The following ZFAND3 variants were observed in gnomAD, a reference collection of about 807,000 sequenced individuals.
ZFAND3 encodes the protein zinc finger AN1-type containing 3, also known as AN1-type zinc finger protein 3.
In ZFAND3, 10 loss-of-function variants were observed where a neutral mutation model predicts 29.6. That is an observed-to-expected ratio of 0.34 (90% CI 0.21 to 0.57). The LOEUF (loss-of-function observed/expected upper bound fraction) is 0.57. ZFAND3 is among the 20% of genes least tolerant of loss of function. The probability of loss-of-function intolerance (pLI) is 0.86; values close to 1 mark genes in which losing one functional copy is unlikely to be tolerated. For synonymous variants in ZFAND3, 128 were observed against 112.6 expected (o/e 1.14, Z -0.87); for missense variants, 230 against 304.5 (o/e 0.76, Z 1.82).
chr6:37,981,720 C>T (rs1399274502), intron 2 of ZFAND3, among the ~76,000 whole-genome samples: 2 of 151,960 alleles, frequency 1.3e-5, no homozygotes, highest in Non-Finnish European at 2.9e-5. Flanking sequence ...TGTAGAAGGT[C>T]AACATGAGTT....
intron 2 of ZFAND3, among the ~76,000 whole-genome samples, chr6:38,056,856 G>A (rs1310413763): frequency 6.6e-6 from 1 of 152,164 alleles, no homozygotes; most frequent in Non-Finnish European, 1.5e-5. Context: ...AATAAGGTAA[G>A]TTGCCAAGAT....
At chr6:37,984,248 A>G (rs545423953) in intron 2 of ZFAND3, among the ~76,000 whole-genome samples, 1 of 152,052 alleles carries the variant, frequency 6.6e-6, no homozygotes, top group African/African-American at 2.4e-5. Flanking sequence ...TCAAAAGTAT[A>G]AAGGTCATGA....
intron 2 of ZFAND3, among the ~76,000 whole-genome samples, chr6:37,978,127 G>A (rs904376807): frequency 7.9e-5 from 12 of 151,912 alleles, no homozygotes; most frequent in Admixed American, 1.3e-4. Flanking sequence ...GAGACACAGG[G>A]TTTCACCATG....
intron 2 of ZFAND3, among the ~76,000 whole-genome samples, chr6:37,978,344 T>C (rs1421108707): frequency 1.3e-5 from 2 of 152,334 alleles, no homozygotes; most frequent in East Asian, 3.9e-4. Flanking sequence ...AAAATTTTGC[T>C]TAGAATTTTT....
At chr6:37,898,290 G>C (rs1365523030) in intron 1 of ZFAND3, among the ~76,000 whole-genome samples, 1 of 152,076 alleles carries the variant, frequency 6.6e-6, no homozygotes, top group Admixed American at 6.6e-5. Flanking sequence ...ATTTTCCCTA[G>C]TGCTTGCTGT....
intron 5 of ZFAND3, among the ~76,000 whole-genome samples, chr6:38,128,913 C>T (rs757070098): frequency 2.6e-5 from 4 of 152,116 alleles, no homozygotes; most frequent in Non-Finnish European, 4.4e-5. Flanking sequence ...TTTAAGGAAC[C>T]TCCACACTGT....
intron 1 of ZFAND3, among the ~76,000 whole-genome samples, chr6:37,834,238 A>G (rs879315128): frequency 3.9e-5 from 6 of 152,102 alleles, no homozygotes; most frequent in South Asian, 2.1e-4. Context: ...AAAATTTCAT[A>G]TTGTTGGAAT....
At chr6:38,060,788 T>A (rs72852542) in intron 2 of ZFAND3, among the ~76,000 whole-genome samples, 41,895 of 151,580 alleles carry the variant, frequency 0.28, 6,820 homozygotes, top group Admixed American at 0.4. Context: ...CATTTTTTTT[T>A]ATATACGATT....
chr6:38,139,876 A>G (rs6918779), intron 5 of ZFAND3, among the ~76,000 whole-genome samples: 4,937 of 152,210 alleles, frequency 0.032, 217 homozygotes, highest in African/African-American at 0.095. Context: ...AAAGGAGGCT[A>G]TTGCAGTAGC....
intron 1 of ZFAND3, among the ~76,000 whole-genome samples, chr6:37,875,749 C>T (rs898543004): frequency 6.6e-6 from 1 of 151,340 alleles, no homozygotes; most frequent in African/African-American, 2.4e-5. Flanking sequence ...GCCTTGACCT[C>T]TTTCGCTCAA....
chr6:37,993,090 C>T (rs900132235), intron 2 of ZFAND3, among the ~76,000 whole-genome samples: 6 of 152,116 alleles, frequency 3.9e-5, no homozygotes, highest in African/African-American at 1.4e-4. Context: ...TGTACACATA[C>T]ATTTTTCCAT....
At chr6:37,900,540 T>G (rs1765299766) in intron 1 of ZFAND3, among the ~76,000 whole-genome samples, 1 of 152,182 alleles carries the variant, frequency 6.6e-6, no homozygotes, top group Non-Finnish European at 1.5e-5. Flanking sequence ...CTAAGTAGAG[T>G]GCACTAGTTC....
intron 2 of ZFAND3, among the ~76,000 whole-genome samples, chr6:37,941,303 G>C (rs1761806212): frequency 6.6e-6 from 1 of 152,206 alleles, no homozygotes; most frequent in Non-Finnish European, 1.5e-5. Context: ...GGATTGTACT[G>C]TGAGGATGTA....
intron 4 of ZFAND3, among the ~76,000 whole-genome samples, chr6:38,112,459 A>G: frequency 6.6e-6 from 1 of 152,210 alleles, no homozygotes; most frequent in East Asian, 1.9e-4. Context: ...GCTGCATTGT[A>G]AGAGTTATTT....
intron 5 of ZFAND3, among the ~76,000 whole-genome samples, chr6:38,127,713 A>T (rs1481764965): frequency 5.9e-5 from 9 of 151,954 alleles, no homozygotes; most frequent in Admixed American, 2.6e-4. Context: ...TTTTTTAAAT[A>T]AATGAGAAAA....
chr6:38,106,069 C>A (rs1765202285), intron 4 of ZFAND3, among the ~76,000 whole-genome samples: 1 of 152,078 alleles, frequency 6.6e-6, no homozygotes, highest in African/African-American at 2.4e-5. Flanking sequence ...CTTTGCTTCC[C>A]AGACTGTGAA....
chr6:37,820,272 C>T (rs115773136), intron 1 of ZFAND3, among the ~76,000 whole-genome samples: 29,674 of 151,592 alleles, frequency 0.2, 3,683 homozygotes, highest in African/African-American at 0.35. Context: ...CCACGGGGGC[C>T]TCCTGGGCCA....
At chr6:37,959,889 G>C (rs1446376678) in intron 2 of ZFAND3, among the ~76,000 whole-genome samples, 1 of 152,160 alleles carries the variant, frequency 6.6e-6, no homozygotes, top group African/African-American at 2.4e-5. Flanking sequence ...GGCGAAATCT[G>C]TATGGAAATA....
At chr6:37,916,096 A>T (rs1015983878) in intron 1 of ZFAND3, among the ~76,000 whole-genome samples, 3 of 152,136 alleles carry the variant, frequency 2.0e-5, no homozygotes, top group African/African-American at 7.2e-5. Flanking sequence ...TTAAAAAAAA[A>T]AAAAAAAGTT....
Sources: allele counts gnomAD v4.1 joint callset (sites outside exome capture counted in the v4.1 genomes callset), GRCh38; gene constraint gnomAD v4.1.1; transcripts MANE v1.5; gene names NCBI Gene and HGNC (gene_info 2026-07-23, HGNC 2026-07-21).